The following ITPK1 variants were observed in gnomAD, a reference collection of about 807,000 sequenced individuals.
ITPK1 encodes the protein inositol-tetrakisphosphate 1-kinase.
ITPK1 carries 21 observed loss-of-function variants against 45.3 expected under a neutral mutation model. The ratio of observed to expected loss-of-function variants is 0.46; its 90% CI spans 0.33 to 0.67. ITPK1 has a LOEUF of 0.67. Among genes scored for constraint, ITPK1 ranks in the 30% least tolerant of loss-of-function variants. ITPK1 has a pLI of 0.02. For synonymous variants in ITPK1, 258 were observed against 253.6 expected, an observed-to-expected ratio of 1.02 and a Z score of -0.16; for missense variants, 474 against 573.5, an observed-to-expected ratio of 0.83 and a Z score of 1.77.
rs1047898151 is a variant in ITPK1, at chr14:93,032,423, C to G, written c.121-15622G>C. On this transcript the variant is annotated intron_variant, in intron 3 of 10. Transcript: ENST00000267615. This position sits in a 1 kb window ranked among gnomAD's most constrained non-coding sequence, Gnocchi z 4.0. ...ACATGAAAAGGGGAAGTTCAGTACT[C>G]AAAATCATTTGCAAAGACTCGGTTG... Among the ~76,000 whole-genome samples, 1 of 152,132 alleles carries G rather than the reference C, an allele frequency of 6.6e-6. No homozygotes were observed. The highest frequency in any genetic ancestry group is 1.5e-5 in the Non-Finnish European group (1 of 68,030).
intron 4 of ITPK1, among the ~76,000 whole-genome samples, chr14:92,995,088 G>A (rs1363966347): frequency 1.3e-5 from 2 of 152,166 alleles, no homozygotes; most frequent in Non-Finnish European, 2.9e-5. Flanking sequence ...CGGGAGAGGG[G>A]CAGGGAAGCT....
chr14:93,030,770 C>T (rs754095680), intron 3 of ITPK1, among the ~76,000 whole-genome samples: 33 of 152,150 alleles, frequency 2.2e-4, no homozygotes, highest in Non-Finnish European at 4.4e-4. Flanking sequence ...CAGAACGTGA[C>T]CTGGTTAGGA....
intron 5 of ITPK1, among the ~76,000 whole-genome samples, chr14:92,991,709 C>T (rs939713003): frequency 6.6e-6 from 1 of 152,102 alleles, no homozygotes; most frequent in African/African-American, 2.4e-5. Flanking sequence ...TCCACCTCAT[C>T]ACCGGGTTCC....
intron 4 of ITPK1, among the ~76,000 whole-genome samples, chr14:93,003,701 C>G (rs986889132): frequency 1.3e-5 from 2 of 152,204 alleles, no homozygotes; most frequent in Admixed American, 1.3e-4. Flanking sequence ...ACAGTCCTGA[C>G]AGTCAGCCAA....
intron 3 of ITPK1, among the ~76,000 whole-genome samples, chr14:93,021,019 C>T (rs936940620): frequency 6.6e-6 from 1 of 152,126 alleles, no homozygotes; most frequent in African/African-American, 2.4e-5. Flanking sequence ...TAGCCAGTGA[C>T]ACTCAATAAA....
At position 93,115,128 on chromosome 14, in the gene ITPK1, G is replaced by A. The variant is rs1566793975; in HGVS notation, c.36C>T (p.Tyr12=). The change falls in exon 2 of 11, where the codon TAC becomes TAT. Residue 12 remains tyrosine, a synonymous_variant. Coordinates refer to ENST00000267615, the MANE Select transcript of ITPK1 (RefSeq NM_014216.6). ...QTFLKGKRVG[Y]WLSEKKIKKL... The stretch of plus-strand genomic sequence containing the variant: ...TCTTGATTTTCTTCTCGCTCAGCCA[G>A]TAGCCAACTCTCTTCCCTTTCAGAA... The A allele has an allele frequency of 6.2e-7, 1 of 1,602,136 alleles. No homozygotes were observed. Among genetic ancestry groups the A allele is most frequent in the Non-Finnish European group, 8.5e-7 (1 of 1,175,424 alleles).
intron 2 of ITPK1, among the ~76,000 whole-genome samples, chr14:93,089,773 C>T (rs764736974): frequency 3.3e-5 from 5 of 152,152 alleles, no homozygotes; most frequent in Non-Finnish European, 5.9e-5. Context: ...TTCTTCCTGC[C>T]GGCCTCCAGG....
chr14:93,107,444 T>C (rs1345517488), intron 2 of ITPK1, among the ~76,000 whole-genome samples: 1 of 152,092 alleles, frequency 6.6e-6, no homozygotes, highest in African/African-American at 2.4e-5. Flanking sequence ...GGCCTAAGTA[T>C]CAGTGAAGAT....
rs953278796 is a variant in ITPK1, at chr14:93,063,280, C to T, written c.120+13315G>A. 6.6e-6 allele frequency among the ~76,000 whole-genome samples: 1 copy of T among 152,222 alleles called. No individual in the cohort carries two copies. Among genetic ancestry groups the T allele is most frequent in the East Asian group, 1.9e-4 (1 of 5,192 alleles). On this transcript the variant is annotated intron_variant, in intron 3 of 10. Transcript: ENST00000267615. The surrounding 1 kb of genome is among the most constrained non-coding windows in gnomAD (Gnocchi z 4.3). ...AGGTCTGCCTCCAAGCCAGGACCCA[C>T]ACCCTCCTGCCCAGGGACCCCTGGT...
intron 3 of ITPK1, among the ~76,000 whole-genome samples, chr14:93,029,848 T>C (rs1408453104): frequency 6.6e-6 from 1 of 151,780 alleles, no homozygotes; most frequent in East Asian, 1.9e-4. Flanking sequence ...AAGGCAAGGG[T>C]AACAAAGGAA....
At chr14:92,942,532 A>C (rs1887482743) in intron 10 of ITPK1, among the ~76,000 whole-genome samples, 1 of 152,114 alleles carries the variant, frequency 6.6e-6, no homozygotes, top group Non-Finnish European at 1.5e-5. Context: ...CTCACCACAA[A>C]ATACCTGCAG....
In ITPK1 at chr14:92,940,996, G is replaced by C. The variant is rs1003115467; in HGVS notation, c.*565C>G. The C allele has an allele frequency of 7.9e-7, 1 of 1,271,624 alleles. No individual in the cohort carries two copies. Among genetic ancestry groups the C allele is most frequent in the Admixed American group, 2.4e-5 (1 of 42,016 alleles). The allele number at this position is 1,271,624 out of a possible 1,614,324, so 78.8% of individuals were successfully genotyped here. The stretch of plus-strand genomic sequence containing the variant: ...CCCTGAGGGGTCTGTGGCCTCCTCT[G>C]GCTGTGGGGAGGGAGGGGTTAGCTG... On this transcript the variant is annotated 3_prime_UTR_variant, in exon 11 of 11. Transcript: ENST00000267615.
intron 1 of ITPK1, among the ~76,000 whole-genome samples, chr14:93,115,516 G>C (rs1048343056): frequency 6.7e-6 from 1 of 150,042 alleles, no homozygotes; most frequent in African/African-American, 2.4e-5. Context: ...GTCTGAGTCG[G>C]AGCTGGGGCC....
intron 9 of ITPK1, 102 bp from the exon 10 acceptor site, chr14:92,946,595 C>A: frequency 8.4e-7 from 1 of 1,196,204 alleles, no homozygotes; most frequent in Non-Finnish European, 1.2e-6. Context: ...CCCTGGCATG[C>A]TTCAGGCCAG....
chr14:92,973,297 G>A (rs1186838180), intron 5 of ITPK1, among the ~76,000 whole-genome samples: 3 of 152,236 alleles, frequency 2.0e-5, no homozygotes, highest in Admixed American at 6.5e-5. Flanking sequence ...GTGAAGATAA[G>A]TTGATGGATG....
chr14:93,057,994 C>A (rs997711485), intron 3 of ITPK1, among the ~76,000 whole-genome samples: 1 of 152,196 alleles, frequency 6.6e-6, no homozygotes, highest in Non-Finnish European at 1.5e-5. Context: ...TCTTCCCAGG[C>A]GGCCCCATGG....
At chr14:92,965,096 C>A (rs1566701825) in intron 5 of ITPK1, among the ~76,000 whole-genome samples, 1 of 152,118 alleles carries the variant, frequency 6.6e-6, no homozygotes, top group Non-Finnish European at 1.5e-5. Flanking sequence ...ACTCCCAGGC[C>A]CCTGCTGTTG....
chr14:93,055,951 G>A (rs934969028), intron 3 of ITPK1, among the ~76,000 whole-genome samples: 4 of 152,192 alleles, frequency 2.6e-5, no homozygotes, highest in African/African-American at 4.8e-5. Flanking sequence ...GTGAGGTCAC[G>A]GCTAGGGAGG....
At chr14:93,073,204 C>T (rs1891092840) in intron 3 of ITPK1, among the ~76,000 whole-genome samples, 1 of 152,242 alleles carries the variant, frequency 6.6e-6, no homozygotes. Flanking sequence ...AGCAGAAAGA[C>T]ACAGCGTCGT....
Sources: gnomAD v4.1 joint callset for allele counts (sites outside exome capture counted in the v4.1 genomes callset) on GRCh38, gnomAD v4.1.1 for gene constraint, Gnocchi (gnomAD v3.1) non-coding constraint, MANE v1.5 for transcripts, NCBI Gene and HGNC (gene_info 2026-07-23, HGNC 2026-07-21) for gene names.